The following ZNF385D variants were observed in gnomAD, a reference collection of about 807,000 sequenced individuals.
ZNF385D encodes the protein zinc finger protein 385D.
Under a neutral mutation model 35.8 loss-of-function variants are expected in ZNF385D, and 15 were observed. The observed-to-expected ratio is 0.42, with a 90% CI of 0.28 to 0.64. The LOEUF (loss-of-function observed/expected upper bound fraction) is 0.64, where lower values mean the gene tolerates loss of function less well. Among genes scored for constraint, ZNF385D ranks in the 30% least tolerant of loss-of-function variants. The pLI is 0.23. For missense variants in ZNF385D, 474 were observed against 494.6 expected, an observed-to-expected ratio of 0.96 and a Z score of 0.39; for synonymous variants, 212 against 186.8, an observed-to-expected ratio of 1.13 and a Z score of -1.10.
chr3:21,926,217 A>G (rs1043562837), intron 3 of ZNF385D, among the ~76,000 whole-genome samples: 1 of 151,942 alleles, frequency 6.6e-6, no homozygotes, highest in African/African-American at 2.4e-5. Flanking sequence ...TATGTGCCAC[A>G]GTGGTTTGCT....
chr3:22,240,203 A>AAAGAG (rs1237241216), intron 2 of ZNF385D, among the ~76,000 whole-genome samples: 1 of 136,204 alleles, frequency 7.3e-6, no homozygotes, highest in Non-Finnish European at 1.6e-5. Context: ...AAAAAAAAAA[A>AAAGAG]GATTTCAGAC....
chr3:21,912,663 G>T (rs905856145), intron 3 of ZNF385D, among the ~76,000 whole-genome samples: 4 of 152,010 alleles, frequency 2.6e-5, no homozygotes, highest in African/African-American at 4.8e-5. Flanking sequence ...ATCCAGTGGC[G>T]ATCATTAGAA....
intron 1 of ZNF385D, among the ~76,000 whole-genome samples, chr3:21,697,509 A>G (rs1415645226): frequency 6.6e-6 from 1 of 152,188 alleles, no homozygotes; most frequent in Admixed American, 6.5e-5. Context: ...TATGATAGCC[A>G]CTAGTCCTAT....
At chr3:22,152,264 C>G (rs9822627) in intron 3 of ZNF385D, among the ~76,000 whole-genome samples, 8,109 of 152,206 alleles carry the variant, frequency 0.053, 266 homozygotes, top group Non-Finnish European at 0.077. Flanking sequence ...TATTCCCTAT[C>G]CTCTGCTCTC....
intron 3 of ZNF385D, among the ~76,000 whole-genome samples, chr3:21,800,627 TA>T (rs2072353748): frequency 6.6e-6 from 1 of 152,126 alleles, no homozygotes; most frequent in African/African-American, 2.4e-5. Flanking sequence ...ATTATTCTAT[TA>T]AAAAACAATT....
chr3:22,140,415 G>A (rs900912150), intron 3 of ZNF385D, among the ~76,000 whole-genome samples: 1 of 152,118 alleles, frequency 6.6e-6, no homozygotes, highest in Non-Finnish European at 1.5e-5. Flanking sequence ...TTGGGGAAAG[G>A]GAGTTAGAGA....
intron 3 of ZNF385D, among the ~76,000 whole-genome samples, chr3:22,057,612 C>T (rs1699471788): frequency 6.6e-6 from 1 of 151,406 alleles, no homozygotes; most frequent in Non-Finnish European, 1.5e-5. Flanking sequence ...TGTGTTGAAG[C>T]AATTCTCTTG....
intron 3 of ZNF385D, among the ~76,000 whole-genome samples, chr3:21,840,361 T>C (rs1326019768): frequency 1.3e-5 from 2 of 152,052 alleles, no homozygotes; most frequent in East Asian, 1.9e-4. Context: ...CACTTTTACT[T>C]TTCTACCCCT....
At chr3:22,321,537 T>C (rs1232491108) in intron 2 of ZNF385D, among the ~76,000 whole-genome samples, 1 of 151,904 alleles carries the variant, frequency 6.6e-6, no homozygotes, top group Non-Finnish European at 1.5e-5. Context: ...GGCTAATTTT[T>C]TGTATTTTTA....
chr3:21,709,863 C>G (rs1032921266), intron 1 of ZNF385D, among the ~76,000 whole-genome samples: 2 of 152,138 alleles, frequency 1.3e-5, no homozygotes, highest in Admixed American at 6.5e-5. Context: ...ACGGTGCACT[C>G]TTTATAATCA....
intron 3 of ZNF385D, among the ~76,000 whole-genome samples, chr3:22,107,240 C>G (rs1049982535): frequency 6.6e-6 from 1 of 151,880 alleles, no homozygotes; most frequent in Non-Finnish European, 1.5e-5. Flanking sequence ...TCAGGCTGGT[C>G]TCGAACTCCC....
At chr3:21,940,150 CA>C (rs1384108664) in intron 3 of ZNF385D, among the ~76,000 whole-genome samples, 1 of 152,076 alleles carries the variant, frequency 6.6e-6, no homozygotes, top group Non-Finnish European at 1.5e-5. Flanking sequence ...AAGTTTCTGA[CA>C]AACCACGAAC....
intron 2 of ZNF385D, among the ~76,000 whole-genome samples, chr3:21,577,447 G>A (rs1035910156): frequency 6.6e-6 from 1 of 152,076 alleles, no homozygotes; most frequent in African/African-American, 2.4e-5. Context: ...CTTAGCTATT[G>A]TGCATAATAC....
chr3:21,989,036 G>A (rs957034854), intron 3 of ZNF385D, among the ~76,000 whole-genome samples: 1 of 151,996 alleles, frequency 6.6e-6, no homozygotes, highest in Non-Finnish European at 1.5e-5. Context: ...CGCACCCACT[G>A]GCCTGTGCCC....
At chr3:21,710,722 T>C in intron 1 of ZNF385D, among the ~76,000 whole-genome samples, 1 of 152,160 alleles carries the variant, frequency 6.6e-6, no homozygotes, top group South Asian at 2.1e-4. Flanking sequence ...ATATTTAAGG[T>C]CTTTGAAGCA....
At chr3:21,575,418 T>C (rs778726449) in intron 2 of ZNF385D, among the ~76,000 whole-genome samples, 1 of 152,208 alleles carries the variant, frequency 6.6e-6, no homozygotes, top group Non-Finnish European at 1.5e-5. Flanking sequence ...ATTAATCTCC[T>C]AAATCAGGTC....
chr3:21,932,292 G>C (rs1397819168), intron 3 of ZNF385D, among the ~76,000 whole-genome samples: 1 of 149,608 alleles, frequency 6.7e-6, no homozygotes. Context: ...ATCATATTTA[G>C]CTGCCTTTGT....
chr3:22,212,437 T>C (rs1697585121), intron 2 of ZNF385D, among the ~76,000 whole-genome samples: 1 of 152,084 alleles, frequency 6.6e-6, no homozygotes, highest in Non-Finnish European at 1.5e-5. Flanking sequence ...CCAGATCAAG[T>C]GGCTCTGATC....
chr3:21,574,338 A>G (rs1376702933), intron 2 of ZNF385D, among the ~76,000 whole-genome samples: 1 of 152,072 alleles, frequency 6.6e-6, no homozygotes, highest in Non-Finnish European at 1.5e-5. Flanking sequence ...TGAAAAAACT[A>G]CAAAATAAAT....
Sources: allele counts gnomAD v4.1 joint callset (sites outside exome capture counted in the v4.1 genomes callset), GRCh38; gene constraint gnomAD v4.1.1; transcripts MANE v1.5; gene names NCBI Gene and HGNC (gene_info 2026-07-23, HGNC 2026-07-21).